HMGB1: variants seen among roughly 807,000 people sequenced by gnomAD.
The protein encoded by HMGB1 is high mobility group box 1.
For synonymous variants in HMGB1, 81 were observed against 84.0 expected, an observed-to-expected ratio of 0.96 and a Z score of 0.19; for missense variants, 79 against 253.5, an observed-to-expected ratio of 0.31 and a Z score of 4.67.
At chr13:30,468,379 C>T (rs149107793), upstream of HMGB1, among the ~76,000 whole-genome samples, 1,253 of 152,232 alleles carry the variant, frequency 8.2e-3, 11 homozygotes, top group African/African-American at 0.028. Flanking sequence ...CTCAGCCTCC[C>T]GAGTAGCTGG....
intron 1 of HMGB1, among the ~76,000 whole-genome samples, chr13:30,512,984 G>A (rs1346462978): frequency 2.6e-5 from 4 of 152,110 alleles, no homozygotes; most frequent in Non-Finnish European, 5.9e-5. Flanking sequence ...CCAACGTGGT[G>A]AAACCCCATC....
intron 1 of HMGB1, among the ~76,000 whole-genome samples, chr13:30,604,648 C>A (rs1377434438): frequency 6.6e-6 from 1 of 152,092 alleles, no homozygotes; most frequent in African/African-American, 2.4e-5. Flanking sequence ...TGCTTAGCTT[C>A]CCAATGTTTT....
At chr13:30,461,981 A>G (rs1418506233) in intron 4 of HMGB1, among the ~76,000 whole-genome samples, 1 of 152,246 alleles carries the variant, frequency 6.6e-6, no homozygotes, top group Non-Finnish European at 1.5e-5. Flanking sequence ...GTTAAGAAAC[A>G]TCTAGAAATA....
intron 1 of HMGB1, among the ~76,000 whole-genome samples, chr13:30,596,679 T>C (rs987937501): frequency 1.8e-4 from 28 of 152,310 alleles, no homozygotes; most frequent in Middle Eastern, 6.8e-3. Context: ...AGATACTCCT[T>C]AGCAAACAGC....
At chr13:30,573,000 C>T (rs1176226299) in intron 1 of HMGB1, among the ~76,000 whole-genome samples, 2 of 152,124 alleles carry the variant, frequency 1.3e-5, no homozygotes, top group African/African-American at 4.8e-5. Flanking sequence ...GTAAGCACAC[C>T]ATCAGAATCT....
intron 1 of HMGB1, among the ~76,000 whole-genome samples, chr13:30,607,388 GAA>G (rs952316358): frequency 1.3e-5 from 2 of 151,402 alleles, no homozygotes; most frequent in African/African-American, 2.5e-5. Flanking sequence ...CTGTTCTTGT[GAA>G]AGAGTTCTCC....
At chr13:30,547,953 G>T (rs1869239825) in intron 1 of HMGB1, among the ~76,000 whole-genome samples, 1 of 152,120 alleles carries the variant, frequency 6.6e-6, no homozygotes, top group Non-Finnish European at 1.5e-5. Flanking sequence ...AATATGTTTA[G>T]GAGAAAATAA....
At chr13:30,493,380 G>A (rs1441084615) in intron 1 of HMGB1, among the ~76,000 whole-genome samples, 6 of 152,118 alleles carry the variant, frequency 3.9e-5, no homozygotes, top group South Asian at 2.1e-4. Flanking sequence ...CAAACTAATC[G>A]GTAAGTGGCA....
intron 1 of HMGB1, among the ~76,000 whole-genome samples, chr13:30,504,599 T>C (rs1282721926): frequency 1.3e-5 from 2 of 152,144 alleles, no homozygotes; most frequent in African/African-American, 4.8e-5. Flanking sequence ...CACATCAAAG[T>C]CATAGCTGCA....
intron 1 of HMGB1, among the ~76,000 whole-genome samples, chr13:30,524,440 A>C (rs1188240998): frequency 1.3e-5 from 2 of 151,956 alleles, no homozygotes; most frequent in African/African-American, 4.8e-5. Context: ...AGACTTCAGG[A>C]AACTTACAAT....
At chr13:30,525,471 T>C (rs1414603082) in intron 1 of HMGB1, among the ~76,000 whole-genome samples, 6 of 152,176 alleles carry the variant, frequency 3.9e-5, no homozygotes, top group Non-Finnish European at 8.8e-5. Context: ...TCCTTGACAG[T>C]AGGGCTCTGT....
intron 1 of HMGB1, chr13:30,540,968 G>A (rs936628610): frequency 1.3e-5 from 2 of 152,102 alleles, no homozygotes; most frequent in Non-Finnish European, 2.9e-5. Context: ...ATTCCTTCTT[G>A]TATGTTTTTT....
At chr13:30,541,828 GA>G (rs1163070486) in intron 1 of HMGB1, 1 of 155,354 alleles carries the variant, frequency 6.4e-6, no homozygotes, top group Non-Finnish European at 1.4e-5. Context: ...ATGACTTTAG[GA>G]AGCATGGCTT....
In HMGB1 at chr13:30,524,351, A is replaced by AG. The variant is rs1301583551; in HGVS notation, c.-14-60658_-14-60657insC. Among the ~76,000 whole-genome samples, 581 of 59,534 alleles carry AG rather than the reference A, an allele frequency of 9.8e-3. 4 individuals are homozygous for AG. The highest frequency in any genetic ancestry group is 0.037 in the East Asian group (59 of 1,610). 39.1% of individuals were successfully genotyped at this position (59,534 alleles called of 152,430 possible). ...TTAAAGTATATTAAAAAAAAAAAAAAAAAAAAGAAAAAAAAGAAGAACTGC... is the reference window on the plus strand; with the variant it reads ...TTAAAGTATATTAAAAAAAAAAAAAAGAAAAAAGAAAAAAAAGAAGAACTGC... On this transcript the variant is annotated intron_variant, in intron 1 of 4. Transcript: ENST00000405805.
upstream of HMGB1, among the ~76,000 whole-genome samples, chr13:30,468,286 G>C (rs1886844594): frequency 6.6e-6 from 1 of 152,094 alleles, no homozygotes; most frequent in South Asian, 2.1e-4. Flanking sequence ...ACAGAGTTTT[G>C]CTCTTACTGC....
chr13:30,606,649 A>T (rs1277088390), intron 1 of HMGB1, among the ~76,000 whole-genome samples: 1 of 152,240 alleles, frequency 6.6e-6, no homozygotes, highest in Non-Finnish European at 1.5e-5. Context: ...TATGCTCTAC[A>T]TGCTTATGTC....
At chr13:30,528,942 T>C (rs1888434233) in intron 1 of HMGB1, among the ~76,000 whole-genome samples, 2 of 138,964 alleles carry the variant, frequency 1.4e-5, no homozygotes, top group African/African-American at 5.5e-5. Flanking sequence ...GGCAGGAGAA[T>C]GGTGTGAACC....
At chr13:30,550,453 AG>A (rs1451233764) in intron 1 of HMGB1, among the ~76,000 whole-genome samples, 1 of 152,184 alleles carries the variant, frequency 6.6e-6, no homozygotes, top group Non-Finnish European at 1.5e-5. Flanking sequence ...CATGGTGGGG[AG>A]GGATGTCAAA....
At chr13:30,562,600 T>C (rs1870010499) in intron 1 of HMGB1, among the ~76,000 whole-genome samples, 1 of 152,102 alleles carries the variant, frequency 6.6e-6, no homozygotes, top group Non-Finnish European at 1.5e-5. Context: ...TTTCACATAA[T>C]AGAAGTATAA....
Sources: allele counts gnomAD v4.1 joint callset (sites outside exome capture counted in the v4.1 genomes callset), GRCh38; gene constraint gnomAD v4.1.1; transcripts MANE v1.5; gene names NCBI Gene and HGNC (gene_info 2026-07-23, HGNC 2026-07-21).